Variants in SORCS2 observed in about 807,000 individuals in gnomAD.
The protein encoded by SORCS2 is sortilin related VPS10 domain containing receptor 2.
SORCS2 carries 100 observed loss-of-function variants against 141.6 expected under a neutral mutation model. The observed-to-expected ratio is 0.71, with a 90% CI of 0.60 to 0.83. The LOEUF is 0.83. SORCS2 is among the 40% of genes least tolerant of loss of function. The probability of loss-of-function intolerance (pLI) is 0.00; values close to 1 mark genes in which losing one functional copy is unlikely to be tolerated. For synonymous variants in SORCS2, 789 were observed against 676.9 expected (o/e 1.17, Z -2.57); for missense variants, 1,646 against 1,560.2 (o/e 1.05, Z -0.93).
intron 1 of SORCS2, among the ~76,000 whole-genome samples, chr4:7,219,614 C>A (rs1161228235): frequency 6.6e-6 from 1 of 152,172 alleles, no homozygotes; most frequent in Non-Finnish European, 1.5e-5. Flanking sequence ...AGGGGAAATG[C>A]CAGATGCTTA....
chr4:7,736,992 C>T (rs895125332), intron 25 of SORCS2, 77 bp from the exon 26 acceptor site: 73 of 1,521,108 alleles, frequency 4.8e-5, no homozygotes, highest in East Asian at 7.4e-5. Flanking sequence ...TGTGGTCAGG[C>T]GGCCAGCGGA....
At chr4:7,503,307 C>A (rs185142101) in intron 2 of SORCS2, among the ~76,000 whole-genome samples, 17 of 152,246 alleles carry the variant, frequency 1.1e-4, no homozygotes, top group Middle Eastern at 6.8e-3. Flanking sequence ...GTGAGGCTGC[C>A]GAGTTAGAAA....
chr4:7,722,147 C>T (rs180704826), intron 18 of SORCS2, among the ~76,000 whole-genome samples: 50 of 152,302 alleles, frequency 3.3e-4, no homozygotes, highest in South Asian at 1.2e-3. Context: ...CACAAGGCCC[C>T]GAGAGGTGGC....
chr4:7,531,755 T>G (rs1711673485), intron 3 of SORCS2, 126 bp downstream of exon 3: 1 of 913,160 alleles, frequency 1.1e-6, no homozygotes, highest in African/African-American at 1.6e-5. Context: ...TGTGAGATGT[T>G]TCCCTCCCAG....
At chr4:7,437,357 G>A (rs1402036562) in intron 2 of SORCS2, among the ~76,000 whole-genome samples, 1 of 152,198 alleles carries the variant, frequency 6.6e-6, no homozygotes, top group Non-Finnish European at 1.5e-5. Context: ...GGGCCGGGGT[G>A]CAGGGCTTCC....
chr4:7,703,099 C>T (rs62290733), intron 12 of SORCS2, among the ~76,000 whole-genome samples, 181 bp from the exon 13 acceptor site: 2 of 152,178 alleles, frequency 1.3e-5, no homozygotes, highest in East Asian at 3.9e-4. Context: ...GCGCTGAGTC[C>T]GCGTGGGCTG....
chr4:7,636,590 A>G (rs7679741), intron 3 of SORCS2, among the ~76,000 whole-genome samples: 99,961 of 151,516 alleles, frequency 0.66, 33,872 homozygotes, highest in East Asian at 0.96. Flanking sequence ...CTGTCATTCC[A>G]AATGTAGAGA....
At chr4:7,687,508 G>T (rs1723953367) in intron 10 of SORCS2, among the ~76,000 whole-genome samples, 1 of 152,106 alleles carries the variant, frequency 6.6e-6, no homozygotes, top group Non-Finnish European at 1.5e-5. Context: ...TTGGATCCAG[G>T]TGTTTCCGGA....
intron 3 of SORCS2, among the ~76,000 whole-genome samples, chr4:7,635,400 A>G (rs1214700022): frequency 6.6e-6 from 1 of 152,212 alleles, no homozygotes; most frequent in Non-Finnish European, 1.5e-5. Context: ...CTATCAAAGT[A>G]AAAAAGTAAA....
intron 14 of SORCS2, among the ~76,000 whole-genome samples, chr4:7,709,503 C>T (rs182902436): frequency 2.6e-5 from 4 of 152,250 alleles, no homozygotes; most frequent in African/African-American, 9.6e-5. Context: ...AGCAACAGAA[C>T]AGTTCCTCCA....
At position 7,737,252 on chromosome 4, in the gene SORCS2, G is replaced by T. The variant is rs1303898863; in HGVS notation, c.3415+80G>T. The T allele has an allele frequency of 2.0e-6, 3 of 1,535,124 alleles. No homozygotes were observed. The East Asian group carries it at 7.4e-5, about 38-fold the overall frequency. On this transcript the variant is annotated intron_variant, in intron 26 of 26. Transcript: ENST00000507866. ...CCAAACCCACCCCGCCCTCCCACAG[G>T]CCACCCCGCTGGGCCGCTGGGGCCA...
chr4:7,616,900 G>A (rs919669609), intron 3 of SORCS2, among the ~76,000 whole-genome samples: 4 of 152,180 alleles, frequency 2.6e-5, no homozygotes, highest in African/African-American at 9.6e-5. Flanking sequence ...ACTGCTCCAG[G>A]CTCCCTGGGG....
chr4:7,437,033 A>C (rs952569640), intron 2 of SORCS2, among the ~76,000 whole-genome samples: 2 of 152,054 alleles, frequency 1.3e-5, no homozygotes, highest in East Asian at 3.9e-4. Context: ...GTGTTTTCCA[A>C]CACCAACGAC....
At chr4:7,570,675 G>A (rs1577769520) in intron 3 of SORCS2, among the ~76,000 whole-genome samples, 1 of 152,312 alleles carries the variant, frequency 6.6e-6, no homozygotes, top group East Asian at 1.9e-4. Flanking sequence ...GTGGCTTCCT[G>A]GTTCTGCTTT....
intron 23 of SORCS2, among the ~76,000 whole-genome samples, chr4:7,730,791 G>A (rs541617932): frequency 2.6e-5 from 4 of 152,304 alleles, no homozygotes; most frequent in Non-Finnish European, 4.4e-5. Context: ...GGATGAAAAC[G>A]TGCAGGAATT....
intron 3 of SORCS2, among the ~76,000 whole-genome samples, chr4:7,603,322 T>G (rs1427566917): frequency 1.3e-5 from 2 of 152,228 alleles, no homozygotes; most frequent in Admixed American, 1.3e-4. Flanking sequence ...TGTAAAAGTT[T>G]CCTTTAACTT....
At chr4:7,446,481 G>GGGGT (rs1175812214) in intron 2 of SORCS2, among the ~76,000 whole-genome samples, 1 of 152,204 alleles carries the variant, frequency 6.6e-6, no homozygotes, top group Non-Finnish European at 1.5e-5. Flanking sequence ...GGTACAAGCT[G>GGGGT]GGGTGCTGTA....
chr4:7,394,410 G>T (rs1001656269), intron 1 of SORCS2, among the ~76,000 whole-genome samples: 1 of 150,840 alleles, frequency 6.6e-6, no homozygotes, highest in South Asian at 2.1e-4. Context: ...GGGTTGGAGG[G>T]GGGGTGTATG....
chr4:7,336,050 G>T (rs1001278452), intron 1 of SORCS2, among the ~76,000 whole-genome samples: 1 of 152,220 alleles, frequency 6.6e-6, no homozygotes, highest in Non-Finnish European at 1.5e-5. Flanking sequence ...CATAAGCGCT[G>T]TGTGCAGGGG....
Sources: gnomAD v4.1 joint callset for allele counts (sites outside exome capture counted in the v4.1 genomes callset) on GRCh38, gnomAD v4.1.1 for gene constraint, MANE v1.5 for transcripts, NCBI Gene and HGNC (gene_info 2026-07-23, HGNC 2026-07-21) for gene names.